Variants in STAG2 observed in about 807,000 individuals in gnomAD.
STAG2 encodes the protein cohesin subunit SA-2.
Under a neutral mutation model 108.1 loss-of-function variants are expected in STAG2, and 14 were observed. That is an observed-to-expected ratio of 0.13 (90% CI 0.09 to 0.20). The LOEUF is 0.20. STAG2 is among the 10% of genes least tolerant of loss of function. The probability of loss-of-function intolerance (pLI) is 1.00; values close to 1 mark genes in which losing one functional copy is unlikely to be tolerated. For missense variants in STAG2, 440 were observed against 940.9 expected (o/e 0.47, Z 6.96); for synonymous variants, 307 against 302.7 (o/e 1.01, Z -0.15).
At chrX:124,015,023 G>A in intron 1 of STAG2, among the ~76,000 whole-genome samples, 1 of 70,924 alleles carries the variant, frequency 1.4e-5, no homozygotes, top group East Asian at 5.3e-4. Flanking sequence ...GTCTCACTCT[G>A]TCGCCCAGGC....
intron 3 of STAG2, 29 bp from the exon 4 acceptor site, chrX:124,025,811 G>A (rs1384304447): frequency 2.9e-6 from 3 of 1,019,655 alleles, no homozygotes; most frequent in Non-Finnish European, 4.0e-6. Context: ...TTCTAAGGAA[G>A]GGTTTTAATT....
intron 3 of STAG2, among the ~76,000 whole-genome samples, chrX:124,023,944 T>A (rs971809054): frequency 6.3e-5 from 7 of 111,737 alleles, no homozygotes; most frequent in Non-Finnish European, 1.3e-4. Context: ...ACTCAGGATG[T>A]TTCAGGTCAC....
chrX:124,057,317 G>T (rs1268472372), intron 14 of STAG2, among the ~76,000 whole-genome samples: 2 of 111,725 alleles, frequency 1.8e-5, no homozygotes, highest in South Asian at 3.7e-4. Context: ...CCTGTTGGGG[G>T]TGCAGCAATT....
rs368404641 is a variant in STAG2 at position 124,090,571 on chromosome X, C to T, written c.3278-4C>T. On this transcript the variant is annotated splice_region_variant and splice_polypyrimidine_tract_variant and intron_variant, in intron 30 of 34. Transcript: ENST00000371145. ...TAAACCTCGTCGTTAATTTTCTTTTCCAGCTGAAGAAAGTAGTAGTAGTGA... is the reference window on the plus strand; with the variant it reads ...TAAACCTCGTCGTTAATTTTCTTTTTCAGCTGAAGAAAGTAGTAGTAGTGA... The T allele has an allele frequency of 9.2e-5, 105 of 1,140,524 alleles. No homozygotes were observed. The highest frequency in any genetic ancestry group is 1.2e-4 in the Non-Finnish European group (100 of 847,993). The allele number at this position is 1,140,524 out of a possible 1,213,427, so 94.0% of individuals were successfully genotyped here. A position where few individuals can be genotyped will look rare whatever the true frequency, so the allele number is the denominator to read the frequency against.
chrX:124,083,567 A>C lies in STAG2; in HGVS notation c.3053+18A>C. The C allele has an allele frequency of 8.8e-7, 1 of 1,133,919 alleles. No homozygotes were observed. The highest frequency in any genetic ancestry group is 2.1e-5 in the South Asian group (1 of 47,722). 93.4% of individuals were successfully genotyped at this position (1,133,919 alleles called of 1,213,427 possible). A position where few individuals can be genotyped will look rare whatever the true frequency, so the allele number is the denominator to read the frequency against. Reference sequence around the variant, plus strand: ...AGAACAGTGTATGTATTTGCTGGAAATGTCCTATTTAATTTCATTTTGGGA... The same window carrying C: ...AGAACAGTGTATGTATTTGCTGGAACTGTCCTATTTAATTTCATTTTGGGA... On this transcript the variant is annotated intron_variant, in intron 29 of 34. Transcript: ENST00000371145.
In STAG2 at chrX:124,064,025, C is replaced by T. The variant is rs776905490; in HGVS notation, c.1999C>T (p.Arg667Trp). The T allele has an allele frequency of 9.1e-6, 11 of 1,208,129 alleles. No individual in the cohort carries two copies. Among genetic ancestry groups the T allele is most frequent in the East Asian group, 3.0e-5 (1 of 33,774 alleles). ...LIDELADKFN[R>W]LLEDFLQEGE... ...AGATGAATTGGCAGATAAATTTAACCGGCTTCTTGAAGATTTTCTGCAAGA... is the reference window on the plus strand; with the variant it reads ...AGATGAATTGGCAGATAAATTTAACTGGCTTCTTGAAGATTTTCTGCAAGA... Residue 667 changes from arginine to tryptophan, a missense_variant, in exon 20 of 35, where the codon CGG becomes TGG. This residue lies in a region of STAG2 where 337 missense variants were observed against 649.3 expected (regional missense o/e 0.52). Transcript: ENST00000371145.
intron 6 of STAG2, among the ~76,000 whole-genome samples, chrX:124,038,411 AT>A (rs752659869): frequency 3.0e-3 from 307 of 102,348 alleles, no homozygotes; most frequent in Admixed American, 2.3e-3. Flanking sequence ...TTCTGGGGGT[AT>A]TTTTTTTTTT....
At chrX:124,003,295 T>C (rs1430374254) in intron 1 of STAG2, among the ~76,000 whole-genome samples, 1 of 111,143 alleles carries the variant, frequency 9.0e-6, no homozygotes, top group African/African-American at 3.3e-5. Context: ...TTACAGTTGC[T>C]AATCTTGTTT....
chrX:124,022,482 G>T, intron 2 of STAG2, 49 bp from the exon 3 acceptor site: 1 of 450,056 alleles, frequency 2.2e-6, no homozygotes, highest in Non-Finnish European at 3.7e-6. Flanking sequence ...TATCCTTTCC[G>T]AATATTTTTG....
At position 124,061,743 on chromosome X, in the gene STAG2, CTTTTTT is replaced by C. The variant is rs36097834; in HGVS notation, c.1535-8_1535-3del. ...GAAGAAATAAGCTAACTCTTTCTGACTTTTTTTTTTTTTTTTTTTTTTTTTAGCACT... is the reference window on the plus strand; with the variant it reads ...GAAGAAATAAGCTAACTCTTTCTGACTTTTTTTTTTTTTTTTTTTAGCACT... On this transcript the variant is annotated intron_variant, in intron 16 of 34. Transcript: ENST00000371145. The C allele has an allele frequency of 1.8e-3, 842 of 472,448 alleles. No individual in the cohort carries two copies. Among genetic ancestry groups the C allele is most frequent in the Middle Eastern group, 4.6e-3 (7 of 1,520 alleles). 38.9% of individuals were successfully genotyped at this position (472,448 alleles called of 1,213,427 possible).
chrX:124,000,239 G>C (rs938154500), intron 1 of STAG2, among the ~76,000 whole-genome samples: 1 of 111,479 alleles, frequency 9.0e-6, no homozygotes, highest in African/African-American at 3.3e-5. Context: ...GGGGATGCTG[G>C]TGTAAATTAA....
chrX:124,065,767 AT>A, intron 20 of STAG2, 108 bp from the exon 21 acceptor site: 1 of 514,555 alleles, frequency 1.9e-6, no homozygotes, highest in Non-Finnish European at 2.9e-6. Context: ...GACAAAGTTC[AT>A]TTGTGGGTTT....
chrX:124,072,904 C>CTTTCT (rs1171307804), intron 25 of STAG2, among the ~76,000 whole-genome samples: 8 of 72,695 alleles, frequency 1.1e-4, no homozygotes, highest in Admixed American at 1.7e-4. Flanking sequence ...TTCTTTCTTT[C>CTTTCT]TTTTTTTTTT....
intron 1 of STAG2, among the ~76,000 whole-genome samples, chrX:123,987,393 C>T (rs1286710873): frequency 9.0e-6 from 1 of 111,021 alleles, no homozygotes; most frequent in Non-Finnish European, 1.9e-5. Flanking sequence ...GGACTACAGG[C>T]ATGCACCACC....
At chrX:124,027,863 A>G (rs1439535210) in intron 4 of STAG2, among the ~76,000 whole-genome samples, 2 of 111,181 alleles carry the variant, frequency 1.8e-5, no homozygotes, top group African/African-American at 6.5e-5. Flanking sequence ...TTTCTCTCCA[A>G]GGTTGTACAC....
chrX:124,088,749 G>A (rs1266611471), intron 30 of STAG2, among the ~76,000 whole-genome samples: 4 of 107,360 alleles, frequency 3.7e-5, no homozygotes, highest in African/African-American at 1.4e-4. Flanking sequence ...CAAGTAGCTG[G>A]GATTACAGGC....
At chrX:124,005,826 A>C (rs1314096880) in intron 1 of STAG2, among the ~76,000 whole-genome samples, 1 of 111,398 alleles carries the variant, frequency 9.0e-6, no homozygotes, top group African/African-American at 3.3e-5. Context: ...GGAGGCAAGA[A>C]GTCCAAGATC....
intron 24 of STAG2, among the ~76,000 whole-genome samples, chrX:124,069,016 G>T (rs1482146144): frequency 9.0e-6 from 1 of 111,504 alleles, no homozygotes; most frequent in African/African-American, 3.3e-5. Context: ...AGTCCACAGG[G>T]TTTTGTTATC....
intron 1 of STAG2, among the ~76,000 whole-genome samples, chrX:124,008,966 C>A (rs971216921): frequency 9.0e-6 from 1 of 111,087 alleles, no homozygotes; most frequent in African/African-American, 3.3e-5. Flanking sequence ...ATTGTTACAA[C>A]AAACTGTGTC....
Sources: allele counts gnomAD v4.1 joint callset (sites outside exome capture counted in the v4.1 genomes callset), GRCh38; gene constraint gnomAD v4.1.1; regional missense constraint gnomAD v4.1.1; transcripts MANE v1.5; gene names NCBI Gene and HGNC (gene_info 2026-07-23, HGNC 2026-07-21).